Variants in HECW1 observed in about 807,000 individuals in gnomAD.
HECW1 encodes E3 ubiquitin-protein ligase HECW1.
In HECW1, 61 loss-of-function variants were observed where a neutral mutation model predicts 182.3. The ratio of observed to expected loss-of-function variants is 0.33; its 90% CI spans 0.27 to 0.41. HECW1 has a LOEUF of 0.41. HECW1 is among the 10% of genes least tolerant of loss of function. HECW1 has a pLI of 1.00. For synonymous variants in HECW1, 859 were observed against 832.6 expected, an observed-to-expected ratio of 1.03 and a Z score of -0.55; for missense variants, 1,739 against 2,108.9, an observed-to-expected ratio of 0.82 and a Z score of 3.44.
intron 2 of HECW1, among the ~76,000 whole-genome samples, chr7:43,213,223 T>A (rs1040806662): frequency 6.6e-6 from 1 of 152,206 alleles, no homozygotes; most frequent in East Asian, 1.9e-4. Flanking sequence ...TGTTTTCAAG[T>A]TTTTTACGTT....
intron 8 of HECW1, among the ~76,000 whole-genome samples, chr7:43,418,014 G>A (rs973169513): frequency 6.6e-6 from 1 of 152,194 alleles, no homozygotes; most frequent in Non-Finnish European, 1.5e-5. Flanking sequence ...GTTTCCTTCT[G>A]AAGGCTCTAA....
At chr7:43,118,317 A>C (rs1785243957) in intron 2 of HECW1, 2 of 152,688 alleles carry the variant, frequency 1.3e-5, no homozygotes, top group South Asian at 4.1e-4. Context: ...TTTAACGTGC[A>C]TGGATGTTCC....
chr7:43,201,863 T>C (rs1190655480), intron 2 of HECW1, among the ~76,000 whole-genome samples: 2 of 152,218 alleles, frequency 1.3e-5, no homozygotes, highest in Non-Finnish European at 2.9e-5. Flanking sequence ...AATGCCTAAA[T>C]GTCCAAGTAT....
chr7:43,257,996 T>C (rs1381221111), intron 3 of HECW1, among the ~76,000 whole-genome samples: 2 of 152,198 alleles, frequency 1.3e-5, no homozygotes, highest in Non-Finnish European at 2.9e-5. Context: ...GTCTTCTCTA[T>C]TTTATAGATA....
intron 2 of HECW1, among the ~76,000 whole-genome samples, chr7:43,221,790 C>A (rs912085736): frequency 6.7e-6 from 1 of 150,306 alleles, no homozygotes; most frequent in African/African-American, 2.5e-5. Context: ...CGCAATCTGC[C>A]TGCTTTGGCC....
chr7:43,358,285 T>C (rs545283852), intron 5 of HECW1, among the ~76,000 whole-genome samples: 4 of 152,328 alleles, frequency 2.6e-5, no homozygotes, highest in South Asian at 2.1e-4. Flanking sequence ...CCCTGACTTA[T>C]GGGAAACTTG....
intron 8 of HECW1, among the ~76,000 whole-genome samples, chr7:43,436,589 G>A (rs962127665): frequency 1.1e-4 from 16 of 152,138 alleles, no homozygotes; most frequent in Admixed American, 1.3e-4. Flanking sequence ...CAGTGGGGGA[G>A]CTTCTGAGCC....
intron 8 of HECW1, among the ~76,000 whole-genome samples, chr7:43,425,927 T>C (rs953231868): frequency 6.6e-6 from 1 of 152,194 alleles, no homozygotes; most frequent in Non-Finnish European, 1.5e-5. Flanking sequence ...ATATATTATT[T>C]TGTCCCTTTT....
intron 19 of HECW1, among the ~76,000 whole-genome samples, chr7:43,498,661 G>C (rs887709428): frequency 6.6e-6 from 1 of 152,066 alleles, no homozygotes; most frequent in Non-Finnish European, 1.5e-5. Context: ...TGTGGACACT[G>C]CTGCTCCCTT....
At chr7:43,233,352 A>G (rs1798045305) in intron 2 of HECW1, among the ~76,000 whole-genome samples, 1 of 152,242 alleles carries the variant, frequency 6.6e-6, no homozygotes. Context: ...ACAGTCGCAT[A>G]TATCCAAGTC....
At chr7:43,137,974 T>A (rs1006206507) in intron 2 of HECW1, among the ~76,000 whole-genome samples, 38 of 152,158 alleles carry the variant, frequency 2.5e-4, no homozygotes, top group African/African-American at 8.9e-4. Flanking sequence ...CATTATATAC[T>A]GAATAAGAGA....
chr7:43,231,727 C>T (rs1797889263), intron 2 of HECW1, among the ~76,000 whole-genome samples: 1 of 152,014 alleles, frequency 6.6e-6, no homozygotes. Flanking sequence ...GACATAAGAA[C>T]CTCTTGGGGC....
At chr7:43,274,351 G>A in intron 3 of HECW1, 1 of 723,372 alleles carries the variant, frequency 1.4e-6, no homozygotes, top group Admixed American at 2.5e-5. Flanking sequence ...TGTCTACTGT[G>A]GACAGGTGTT....
At position 43,299,079 on chromosome 7, in the gene HECW1, A is replaced by G. The variant is rs551827748; in HGVS notation, c.28-12684A>G. 2.0e-5 allele frequency among the ~76,000 whole-genome samples: 3 copies of G among 152,338 alleles called. No homozygotes were observed. The South Asian group carries it at 6.2e-4, about 32-fold the overall frequency. On this transcript the variant is annotated intron_variant, in intron 3 of 29. Coordinates refer to ENST00000395891, the MANE Select transcript of HECW1 (RefSeq NM_015052.5). Reference sequence around the variant, plus strand: ...GTGGAAATGGCAGTGAGTGCCCTTGAATCTATTACCGTATCCTCGAGGCCA... The same window carrying G: ...GTGGAAATGGCAGTGAGTGCCCTTGGATCTATTACCGTATCCTCGAGGCCA...
At position 43,243,911 on chromosome 7, in the gene HECW1, G is replaced by C; in HGVS notation, c.6G>C (p.Leu2=). 1 of 1,613,388 alleles carries C rather than the reference G, an allele frequency of 6.2e-7. No individual in the cohort carries two copies. The highest frequency in any genetic ancestry group is 8.5e-7 in the Non-Finnish European group (1 of 1,179,392). M[L]LHLCSVKNLY... ...CGTACACGTGGTGGGTCATTATGCTGCTGCACCTGTGTAGTGTGAAGGTCA... is the reference window on the plus strand; with the variant it reads ...CGTACACGTGGTGGGTCATTATGCTCCTGCACCTGTGTAGTGTGAAGGTCA... Residue 2 remains leucine, a synonymous_variant, in exon 3 of 30, where the codon CTG becomes CTC. Coordinates refer to ENST00000395891, the MANE Select transcript of HECW1 (RefSeq NM_015052.5). The surrounding 1 kb of genome is among the most constrained non-coding windows in gnomAD (Gnocchi z 4.0).
At chr7:43,182,315 G>A (rs539198378) in intron 2 of HECW1, among the ~76,000 whole-genome samples, 10 of 152,256 alleles carry the variant, frequency 6.6e-5, no homozygotes, top group Admixed American at 5.9e-4. Flanking sequence ...AATCCATTTT[G>A]AGTTGATTTT....
chr7:43,559,171 A>G (rs570602039), intron 29 of HECW1, among the ~76,000 whole-genome samples: 1 of 152,330 alleles, frequency 6.6e-6, no homozygotes, highest in South Asian at 2.1e-4. Context: ...AGACGGGGAG[A>G]TCAACTGTGT....
intron 8 of HECW1, among the ~76,000 whole-genome samples, chr7:43,417,679 T>C (rs2076056457): frequency 6.6e-6 from 1 of 152,070 alleles, no homozygotes; most frequent in South Asian, 2.1e-4. Flanking sequence ...CAGGGCAACA[T>C]AGCAAGACCC....
chr7:43,539,410 T>C (rs1180576092), intron 24 of HECW1, among the ~76,000 whole-genome samples: 1 of 152,254 alleles, frequency 6.6e-6, no homozygotes, highest in African/African-American at 2.4e-5. Context: ...ATTTTGGAGA[T>C]AGTCCTTTCT....
Sources: allele counts gnomAD v4.1 joint callset (sites outside exome capture counted in the v4.1 genomes callset), GRCh38; gene constraint gnomAD v4.1.1; non-coding constraint Gnocchi (gnomAD v3.1); transcripts MANE v1.5; gene names NCBI Gene and HGNC (gene_info 2026-07-23, HGNC 2026-07-21).